The following FOXP2 variants were observed in gnomAD, a reference collection of about 807,000 sequenced individuals.
FOXP2 encodes the protein forkhead box protein P2.
A neutral mutation model predicts 115.8 loss-of-function variants in FOXP2; 12 were observed. The ratio of observed to expected loss-of-function variants is 0.10; its 90% confidence interval spans 0.07 to 0.17. The LOEUF (loss-of-function observed/expected upper bound fraction) is 0.17, where lower values mean the gene tolerates loss of function less well. Among genes scored for constraint, FOXP2 ranks in the 10% least tolerant of loss-of-function variants. The probability of loss-of-function intolerance (pLI) is 1.00; values close to 1 mark genes in which losing one functional copy is unlikely to be tolerated. For synonymous variants in FOXP2, 328 were observed against 297.7 expected (o/e 1.10, Z -1.05); for missense variants, 629 against 843.5 (o/e 0.75, Z 3.15).
At position 114,360,600 on chromosome 7, in the gene FOXP2, T is replaced by G. The variant is rs1791723350; in HGVS notation, c.-10-65902T>G. ...GTGTGAAACTAAGGTTCCCTCTTCT[T>G]AACCCAGGAAGTTTGGTTTTCTGAT... On this transcript the variant is annotated intron_variant, in intron 2 of 17. Transcript: ENST00000634411. Among the ~76,000 whole-genome samples, 4 of 152,172 alleles carry G rather than the reference T, an allele frequency of 2.6e-5. No individual in the cohort carries two copies. The South Asian group carries it at 6.2e-4, about 24-fold the overall frequency.
At chr7:114,194,644 T>G (rs1260051343) in intron 1 of FOXP2, among the ~76,000 whole-genome samples, 1 of 152,126 alleles carries the variant, frequency 6.6e-6, no homozygotes, top group Non-Finnish European at 1.5e-5. Flanking sequence ...TTTTTCTTTC[T>G]TTTTGCCACT....
At chr7:114,251,866 G>A (rs1454030145) in intron 1 of FOXP2, among the ~76,000 whole-genome samples, 1 of 152,146 alleles carries the variant, frequency 6.6e-6, no homozygotes, top group African/African-American at 2.4e-5. Flanking sequence ...CCTGTCTTGT[G>A]CCAGTTTTCA....
intron 2 of FOXP2, among the ~76,000 whole-genome samples, chr7:114,469,553 G>A (rs753616300): frequency 7.2e-5 from 11 of 152,036 alleles, no homozygotes; most frequent in African/African-American, 2.2e-4. Flanking sequence ...GAAAATATCC[G>A]TGACTATGTT....
chr7:114,409,359 A>G (rs754966968), upstream of FOXP2, among the ~76,000 whole-genome samples: 10 of 152,170 alleles, frequency 6.6e-5, no homozygotes, highest in Non-Finnish European at 1.2e-4. Flanking sequence ...AGTGTATACA[A>G]TGCTAAGAGC....
chr7:114,276,409 C>T (rs1796190150), intron 1 of FOXP2, among the ~76,000 whole-genome samples: 1 of 152,096 alleles, frequency 6.6e-6, no homozygotes, highest in African/African-American at 2.4e-5. Context: ...AGGTGATCCA[C>T]CCATCTCAAC....
chr7:114,572,419 A>C (rs1319343358), intron 3 of FOXP2, among the ~76,000 whole-genome samples: 1 of 151,734 alleles, frequency 6.6e-6, no homozygotes, highest in South Asian at 2.1e-4. Flanking sequence ...AAATTTAAAA[A>C]TTTTGGTAAG....
chr7:114,680,208 T>C (rs997668061), intron 16 of FOXP2, among the ~76,000 whole-genome samples: 18 of 152,226 alleles, frequency 1.2e-4, no homozygotes, highest in African/African-American at 3.1e-4. Flanking sequence ...GCTATGCCTT[T>C]TTAAAGCAAG....
chr7:114,353,413 C>T (rs574500586), intron 2 of FOXP2, among the ~76,000 whole-genome samples: 16 of 143,966 alleles, frequency 1.1e-4, no homozygotes, highest in African/African-American at 4.0e-4. Context: ...ATCCTAGGTC[C>T]CTAGGCCAGC....
chr7:114,136,032 C>A (rs185935103), intron 1 of FOXP2, among the ~76,000 whole-genome samples: 1 of 152,016 alleles, frequency 6.6e-6, no homozygotes, highest in Non-Finnish European at 1.5e-5. Context: ...AAACAAGATA[C>A]ACCTATCAGT....
chr7:114,094,736 A>C (rs1325352773), intron 1 of FOXP2, among the ~76,000 whole-genome samples: 1 of 152,144 alleles, frequency 6.6e-6, no homozygotes, highest in South Asian at 2.1e-4. Flanking sequence ...ATCACAGCTC[A>C]TGGTAACCTC....
chr7:114,101,340 T>C (rs1790949934), intron 1 of FOXP2, among the ~76,000 whole-genome samples: 1 of 152,100 alleles, frequency 6.6e-6, no homozygotes, highest in African/African-American at 2.4e-5. Context: ...CCATGAAAAT[T>C]TGCCTCTCAC....
chr7:114,565,839 T>C (rs1800994665), intron 3 of FOXP2, among the ~76,000 whole-genome samples: 1 of 152,182 alleles, frequency 6.6e-6, no homozygotes, highest in South Asian at 2.1e-4. Flanking sequence ...CTGAGATACG[T>C]AATCTCTGGT....
chr7:114,095,037 A>T (rs1584475409), intron 1 of FOXP2, among the ~76,000 whole-genome samples: 1 of 152,276 alleles, frequency 6.6e-6, no homozygotes. Context: ...ATGTATGATG[A>T]TAATAATGCA....
At chr7:114,130,326 C>T (rs1325455402) in intron 1 of FOXP2, among the ~76,000 whole-genome samples, 6 of 152,090 alleles carry the variant, frequency 3.9e-5, no homozygotes, top group Non-Finnish European at 5.9e-5. Context: ...ATAAAAATCT[C>T]ACTCTAGAAC....
At chr7:114,538,260 A>G in intron 3 of FOXP2, 1 of 1,124,774 alleles carries the variant, frequency 8.9e-7, no homozygotes, top group Non-Finnish European at 1.2e-6. Flanking sequence ...CTAGCCTATG[A>G]CAAATCTACT....
intron 1 of FOXP2, among the ~76,000 whole-genome samples, chr7:114,148,630 A>T (rs1175216046): frequency 6.6e-6 from 1 of 152,196 alleles, no homozygotes; most frequent in East Asian, 1.9e-4. Flanking sequence ...AGTTTGAAAT[A>T]AAAGAGAAGT....
At chr7:114,386,255 A>C (rs565959273) in intron 2 of FOXP2, among the ~76,000 whole-genome samples, 3 of 152,242 alleles carry the variant, frequency 2.0e-5, no homozygotes, top group Non-Finnish European at 4.4e-5. Context: ...TAATAGAGTG[A>C]AATAGAGTGA....
At chr7:114,187,947 C>A (rs1405977525) in intron 1 of FOXP2, among the ~76,000 whole-genome samples, 1 of 152,114 alleles carries the variant, frequency 6.6e-6, no homozygotes, top group Non-Finnish European at 1.5e-5. Flanking sequence ...TCAGTCCCAC[C>A]CATGAAAGCA....
intron 1 of FOXP2, among the ~76,000 whole-genome samples, chr7:114,282,429 A>G (rs1171559123): frequency 6.6e-6 from 1 of 152,204 alleles, no homozygotes; most frequent in African/African-American, 2.4e-5. Flanking sequence ...GGGACAGAGC[A>G]TTCCTTTATT....
Sources: allele counts gnomAD v4.1 joint callset (sites outside exome capture counted in the v4.1 genomes callset), GRCh38; gene constraint gnomAD v4.1.1; transcripts MANE v1.5; gene names NCBI Gene and HGNC (gene_info 2026-07-23, HGNC 2026-07-21).